Variants in SLC14A2 observed in about 807,000 individuals in gnomAD.
The protein encoded by SLC14A2 is solute carrier family 14 member 2.
SLC14A2 carries 91 observed loss-of-function variants against 104.6 expected under a neutral mutation model. That is an observed-to-expected ratio of 0.87 (90% CI 0.73 to 1.04). SLC14A2 has a LOEUF of 1.04. SLC14A2 is among the 50% of genes least tolerant of loss of function. The probability of loss-of-function intolerance (pLI) is 0.00; values close to 1 mark genes in which losing one functional copy is unlikely to be tolerated. For missense variants in SLC14A2, 1,189 were observed against 1,156.0 expected, an observed-to-expected ratio of 1.03 and a Z score of -0.41; for synonymous variants, 476 against 466.4, an observed-to-expected ratio of 1.02 and a Z score of -0.27.
chr18:45,558,964 G>A (rs553748124), intron 2 of SLC14A2, among the ~76,000 whole-genome samples: 4 of 152,132 alleles, frequency 2.6e-5, no homozygotes, highest in South Asian at 2.1e-4. Context: ...CTAATTTTTT[G>A]TATTTTAGTA....
chr18:45,557,644 T>G (rs746495619), intron 2 of SLC14A2, among the ~76,000 whole-genome samples: 1 of 152,164 alleles, frequency 6.6e-6, no homozygotes, highest in Non-Finnish European at 1.5e-5. Context: ...TTTCCCTTCC[T>G]AAGACAATGT....
intron 1 of SLC14A2, among the ~76,000 whole-genome samples, chr18:45,240,346 C>T (rs1014228692): frequency 2.6e-5 from 4 of 151,904 alleles, no homozygotes; most frequent in African/African-American, 4.8e-5. Flanking sequence ...CAGCCCACCT[C>T]GGCCCCCCAA....
At chr18:45,433,223 C>A (rs976212761) in intron 1 of SLC14A2, among the ~76,000 whole-genome samples, 6 of 152,188 alleles carry the variant, frequency 3.9e-5, no homozygotes, top group African/African-American at 1.4e-4. Context: ...CCCATGCATA[C>A]AGTGGAGAAT....
At chr18:45,230,408 G>A (rs966661535) in intron 1 of SLC14A2, among the ~76,000 whole-genome samples, 6 of 152,092 alleles carry the variant, frequency 3.9e-5, no homozygotes, top group Non-Finnish European at 4.4e-5. Context: ...TGCATTTCTC[G>A]GCCTGTGGGC....
chr18:45,507,705 C>T lies in SLC14A2; in HGVS notation c.-35+24383C>T, dbSNP rs142477060. On this transcript the variant is annotated intron_variant, in intron 2 of 20. Transcript: ENST00000586448. Reference sequence around the variant, plus strand: ...GGAGCTTCTGCTGCCGTTTGGGGAGCGGACATCTTCCTGGAAGAAGGGACT... The same window carrying T: ...GGAGCTTCTGCTGCCGTTTGGGGAGTGGACATCTTCCTGGAAGAAGGGACT... 1.1e-3 allele frequency among the ~76,000 whole-genome samples: 174 copies of T among 152,210 alleles called. 1 individual carries two copies. The highest frequency in any genetic ancestry group is 4.1e-3 in the African/African-American group (171 of 41,544).
intron 1 of SLC14A2, among the ~76,000 whole-genome samples, chr18:45,251,400 A>G (rs908244871): frequency 6.6e-6 from 1 of 152,198 alleles, no homozygotes; most frequent in Non-Finnish European, 1.5e-5. Context: ...TTTCCACTAT[A>G]TTCGAGAGGC....
At chr18:45,606,053 C>A (rs1209035945) in intron 2 of SLC14A2, among the ~76,000 whole-genome samples, 3 of 152,142 alleles carry the variant, frequency 2.0e-5, no homozygotes, top group Non-Finnish European at 4.4e-5. Flanking sequence ...AAAACCATAA[C>A]CCATCCAGCT....
intron 1 of SLC14A2, among the ~76,000 whole-genome samples, chr18:45,332,148 T>C (rs2085296742): frequency 6.6e-6 from 1 of 152,228 alleles, no homozygotes; most frequent in Non-Finnish European, 1.5e-5. Context: ...GGATTTACTT[T>C]GTTTTCATAC....
chr18:45,562,699 C>T (rs942708056), intron 2 of SLC14A2, among the ~76,000 whole-genome samples: 4 of 151,972 alleles, frequency 2.6e-5, no homozygotes, highest in African/African-American at 7.3e-5. Context: ...AGTTCAGTCA[C>T]TTGTTGATAG....
chr18:45,491,877 C>T (rs1196171330), intron 2 of SLC14A2, among the ~76,000 whole-genome samples: 1 of 152,222 alleles, frequency 6.6e-6, no homozygotes, highest in Non-Finnish European at 1.5e-5. Context: ...CAGCCAGCAC[C>T]AGCTCTGCCA....
intron 2 of SLC14A2, among the ~76,000 whole-genome samples, chr18:45,553,409 G>A (rs1478180426): frequency 6.6e-6 from 1 of 152,128 alleles, no homozygotes; most frequent in African/African-American, 2.4e-5. Context: ...TGCTAGAAGG[G>A]GCTTAATCAG....
chr18:45,350,157 A>C (rs985715900), intron 1 of SLC14A2, among the ~76,000 whole-genome samples: 1 of 152,248 alleles, frequency 6.6e-6, no homozygotes, highest in African/African-American at 2.4e-5. Flanking sequence ...GGCAGGGAGC[A>C]TTTCCTATGA....
At chr18:45,545,177 C>T (rs2043951359) in intron 2 of SLC14A2, among the ~76,000 whole-genome samples, 1 of 152,124 alleles carries the variant, frequency 6.6e-6, no homozygotes, top group Non-Finnish European at 1.5e-5. Flanking sequence ...TGCGGACATG[C>T]TTTGTTTGTG....
At chr18:45,399,221 T>A (rs147863628) in intron 1 of SLC14A2, among the ~76,000 whole-genome samples, 321 of 152,210 alleles carry the variant, frequency 2.1e-3, no homozygotes, top group African/African-American at 7.2e-3. Flanking sequence ...GGCTTCTGAG[T>A]TTATGCTACA....
chr18:45,430,995 T>C (rs2086505935), intron 1 of SLC14A2, among the ~76,000 whole-genome samples: 1 of 152,164 alleles, frequency 6.6e-6, no homozygotes. Flanking sequence ...GAGAAGGAAA[T>C]GTGCAAAGAT....
chr18:45,482,107 C>G (rs1184636747), intron 1 of SLC14A2, among the ~76,000 whole-genome samples: 1 of 152,046 alleles, frequency 6.6e-6, no homozygotes, highest in African/African-American at 2.4e-5. Context: ...ATACCAAAAG[C>G]TTTAAAAAAA....
At chr18:45,592,539 G>A (rs770909200) in intron 2 of SLC14A2, among the ~76,000 whole-genome samples, 29 of 152,334 alleles carry the variant, frequency 1.9e-4, no homozygotes, top group South Asian at 6.2e-4. Context: ...CATGCTGCCT[G>A]AGACTCAAGA....
intron 2 of SLC14A2, among the ~76,000 whole-genome samples, chr18:45,519,088 G>A (rs1448988735): frequency 6.6e-6 from 1 of 152,154 alleles, no homozygotes; most frequent in Non-Finnish European, 1.5e-5. Flanking sequence ...ACTGTAATTG[G>A]AAACTAAAAT....
At chr18:45,604,514 G>A (rs1029332021) in intron 2 of SLC14A2, among the ~76,000 whole-genome samples, 12 of 152,114 alleles carry the variant, frequency 7.9e-5, no homozygotes, top group African/African-American at 2.7e-4. Context: ...AATGCATCAG[G>A]AACATCAGTA....
Sources: allele counts gnomAD v4.1 joint callset (sites outside exome capture counted in the v4.1 genomes callset), GRCh38; gene constraint gnomAD v4.1.1; transcripts MANE v1.5; gene names NCBI Gene and HGNC (gene_info 2026-07-23, HGNC 2026-07-21).